TNS1: variants seen among roughly 807,000 people sequenced by gnomAD.
TNS1 encodes the protein tensin-1.
Under a neutral mutation model 168.6 loss-of-function variants are expected in TNS1, and 62 were observed. The ratio of observed to expected loss-of-function variants is 0.37; its 90% CI spans 0.30 to 0.45. The LOEUF (loss-of-function observed/expected upper bound fraction) is 0.45, where lower values mean the gene tolerates loss of function less well. Ranked by LOEUF, TNS1 falls within the 20% of genes least tolerant of loss-of-function variation. The pLI is 1.00. For synonymous variants in TNS1, 934 were observed against 933.2 expected (o/e 1.00, Z -0.02); for missense variants, 2,240 against 2,339.4 (o/e 0.96, Z 0.88).
intron 2 of TNS1, among the ~76,000 whole-genome samples, chr2:217,989,627 C>T (rs1479050041): frequency 1.3e-5 from 2 of 152,080 alleles, no homozygotes; most frequent in African/African-American, 2.4e-5. Flanking sequence ...AGCCAAGCCC[C>T]GGGCCATTCC....
At chr2:218,014,331 C>T (rs113258060), upstream of TNS1, among the ~76,000 whole-genome samples, 7 of 152,274 alleles carry the variant, frequency 4.6e-5, no homozygotes, top group African/African-American at 1.4e-4. Flanking sequence ...AGAGTTTCAC[C>T]ACTCTCCCAG....
intron 2 of TNS1, among the ~76,000 whole-genome samples, chr2:217,985,052 T>G (rs1384715204): frequency 6.6e-6 from 1 of 151,364 alleles, no homozygotes; most frequent in Non-Finnish European, 1.5e-5. Context: ...CCACCACACC[T>G]GGCACCATTA....
At chr2:218,024,452 A>G (rs907155210) in intron 1 of TNS1, among the ~76,000 whole-genome samples, 23 of 152,104 alleles carry the variant, frequency 1.5e-4, no homozygotes, top group Non-Finnish European at 7.4e-5. Context: ...TGCCTCACAC[A>G]TCTCAATGCA....
intron 23 of TNS1, among the ~76,000 whole-genome samples, chr2:217,820,248 AGAAACAAT>A (rs1309834672): frequency 2.0e-5 from 3 of 152,188 alleles, no homozygotes; most frequent in Non-Finnish European, 4.4e-5. Flanking sequence ...GATTTGAGTG[AGAAACAAT>A]GAACAACTTC....
In TNS1 at chr2:217,847,493, G is replaced by A; in HGVS notation, c.3007+17C>T. The A allele has an allele frequency of 7.0e-7, 1 of 1,435,412 alleles. No homozygotes were observed. Among genetic ancestry groups the A allele is most frequent in the Non-Finnish European group, 9.2e-7 (1 of 1,085,864 alleles). The allele number at this position is 1,435,412 out of a possible 1,614,324, so 88.9% of individuals were successfully genotyped here. A position where few individuals can be genotyped will look rare whatever the true frequency, so the allele number is the denominator to read the frequency against. On this transcript the variant is annotated intron_variant, in intron 19 of 32. Transcript: ENST00000682258. ...ATAAGGAAGGGGTAGAAGGAGTCAGGACTGAATACCTCTTACCTGCTACCC... is the reference window on the plus strand; with the variant it reads ...ATAAGGAAGGGGTAGAAGGAGTCAGAACTGAATACCTCTTACCTGCTACCC...
intron 17 of TNS1, chr2:217,882,089 C>A (rs1950736773): frequency 2.8e-6 from 1 of 355,446 alleles, no homozygotes; most frequent in Non-Finnish European, 5.0e-6. Flanking sequence ...ATATAACAGG[C>A]TGATGACCTA....
chr2:217,979,279 C>T (rs543208834), intron 2 of TNS1, among the ~76,000 whole-genome samples: 1 of 152,126 alleles, frequency 6.6e-6, no homozygotes, highest in East Asian at 1.9e-4. Context: ...CAGGAGCGGG[C>T]CCACGCATAT....
rs980649923 is a variant in TNS1, at chr2:217,906,404, C to T, written c.271-19G>A. 1 of 702,770 alleles carries T rather than the reference C, an allele frequency of 1.4e-6. No homozygotes were observed. Among genetic ancestry groups the T allele is most frequent in the Admixed American group, 2.0e-5 (1 of 49,990 alleles). 43.5% of individuals were successfully genotyped at this position (702,770 alleles called of 1,614,324 possible). On this transcript the variant is annotated intron_variant, in intron 5 of 32. Coordinates refer to ENST00000682258, the MANE Select transcript of TNS1 (RefSeq NM_001387777.1). ...CTTCTCCCTGCAGACAGAGAAAAGG[C>T]AGTCAGAGAGGGGAGGCAAGAAAAA... is the stretch of plus-strand genomic sequence containing the variant.
chr2:217,808,720 C>T, intron 30 of TNS1, 49 bp from the exon 31 acceptor site: 1 of 1,570,068 alleles, frequency 6.4e-7, no homozygotes, highest in Non-Finnish European at 8.8e-7. Flanking sequence ...GAAGGGGCTG[C>T]TTTTCCCCTC....
intron 3 of TNS1, among the ~76,000 whole-genome samples, chr2:217,921,114 G>A (rs1043375238): frequency 1.3e-5 from 2 of 152,136 alleles, no homozygotes; most frequent in Non-Finnish European, 2.9e-5. Context: ...CCTGGCAGGC[G>A]AGCCATTACC....
intron 3 of TNS1, among the ~76,000 whole-genome samples, chr2:217,963,055 G>A (rs11688938): frequency 0.22 from 33,582 of 152,120 alleles, 6,356 homozygotes; most frequent in African/African-American, 0.51. Flanking sequence ...AATCATCTCA[G>A]AATACAAAGT....
At chr2:218,013,359 C>A (rs964378542), upstream of TNS1, among the ~76,000 whole-genome samples, 4 of 152,132 alleles carry the variant, frequency 2.6e-5, no homozygotes, top group Non-Finnish European at 4.4e-5. Flanking sequence ...CACAGTGGAC[C>A]AGACACAGAC....
chr2:218,002,716 C>T (rs1958588630), intron 1 of TNS1, 124 bp downstream of exon 1: 1 of 447,308 alleles, frequency 2.2e-6, no homozygotes. Context: ...GACAGAAAGG[C>T]CCCTCCTTCA....
chr2:217,842,477 A>T (rs1359551831), intron 19 of TNS1, among the ~76,000 whole-genome samples: 1 of 152,124 alleles, frequency 6.6e-6, no homozygotes, highest in Non-Finnish European at 1.5e-5. Flanking sequence ...TTCCATGTGT[A>T]ATCTATCAGT....
chr2:217,888,460 C>T (rs1219809852), intron 12 of TNS1, among the ~76,000 whole-genome samples: 2 of 152,138 alleles, frequency 1.3e-5, no homozygotes, highest in Non-Finnish European at 2.9e-5. Context: ...GCAGACACGC[C>T]CCAACTGCCT....
chr2:217,821,221 G>A (rs78744613), intron 23 of TNS1, among the ~76,000 whole-genome samples: 7,655 of 152,178 alleles, frequency 0.05, 550 homozygotes, highest in East Asian at 0.25. Context: ...ATAGAGATGC[G>A]GGCTCTGGAA....
At chr2:217,832,382 G>C (rs1489973415) in intron 21 of TNS1, among the ~76,000 whole-genome samples, 1 of 152,222 alleles carries the variant, frequency 6.6e-6, no homozygotes, top group East Asian at 1.9e-4. Flanking sequence ...CTGATCTGCA[G>C]GGTGGCTGTT....
At chr2:218,020,673 GGTT>G (rs1170111846) in intron 1 of TNS1, among the ~76,000 whole-genome samples, 2 of 152,214 alleles carry the variant, frequency 1.3e-5, no homozygotes, top group Non-Finnish European at 2.9e-5. Context: ...TGACCCTGGG[GGTT>G]CTGAGTTAAA....
At chr2:217,864,700 G>C (rs1371475341) in intron 18 of TNS1, among the ~76,000 whole-genome samples, 1 of 152,242 alleles carries the variant, frequency 6.6e-6, no homozygotes, top group African/African-American at 2.4e-5. Flanking sequence ...AATGCTACCA[G>C]AGCTCAAAGC....
Sources: gnomAD v4.1 joint callset for allele counts (sites outside exome capture counted in the v4.1 genomes callset) on GRCh38, gnomAD v4.1.1 for gene constraint, MANE v1.5 for transcripts, NCBI Gene and HGNC (gene_info 2026-07-23, HGNC 2026-07-21) for gene names.